DOCK5: variants seen among roughly 807,000 people sequenced by gnomAD.
DOCK5 encodes the protein dedicator of cytokinesis protein 5.
A neutral mutation model predicts 251.8 loss-of-function variants in DOCK5; 142 were observed. The observed-to-expected ratio is 0.56, with a 90% CI of 0.49 to 0.65. The LOEUF is 0.65. DOCK5 is among the 30% of genes least tolerant of loss of function. DOCK5 has a pLI of 0.00. For synonymous variants in DOCK5, 842 were observed against 835.5 expected, an observed-to-expected ratio of 1.01 and a Z score of -0.13; for missense variants, 2,111 against 2,312.3, an observed-to-expected ratio of 0.91 and a Z score of 1.79.
intron 2 of DOCK5, among the ~76,000 whole-genome samples, chr8:25,251,736 C>T (rs1219549966): frequency 6.6e-6 from 1 of 152,126 alleles, no homozygotes; most frequent in Non-Finnish European, 1.5e-5. Flanking sequence ...TGCCTGCAAT[C>T]CCAGTACTTT....
At chr8:25,363,484 C>T (rs6557837) in intron 29 of DOCK5, among the ~76,000 whole-genome samples, 32,596 of 152,124 alleles carry the variant, frequency 0.21, 4,067 homozygotes, top group African/African-American at 0.35. Context: ...GTTCTATGAC[C>T]GGTCCATGAT....
chr8:25,310,357 T>A, intron 12 of DOCK5, 50 bp from the exon 13 acceptor site: 1 of 1,556,678 alleles, frequency 6.4e-7, no homozygotes, highest in Non-Finnish European at 8.7e-7. Flanking sequence ...TACGCATGTG[T>A]TTTATACATC....
chr8:25,211,723 G>T (rs1178136842), intron 1 of DOCK5, among the ~76,000 whole-genome samples: 1 of 64,138 alleles, frequency 1.6e-5, no homozygotes, highest in African/African-American at 3.5e-5. Context: ...CGGGAGGATC[G>T]CTTGAGCCCA....
intron 34 of DOCK5, 118 bp from the exon 35 acceptor site, chr8:25,372,441 A>G (rs1414356386): frequency 1.0e-6 from 1 of 1,003,998 alleles, no homozygotes; most frequent in African/African-American, 1.7e-5. Flanking sequence ...TCTAACATTG[A>G]CGTTCTGTGT....
At chr8:25,194,434 C>T (rs925213461) in intron 1 of DOCK5, among the ~76,000 whole-genome samples, 1 of 152,098 alleles carries the variant, frequency 6.6e-6, no homozygotes, top group African/African-American at 2.4e-5. Flanking sequence ...CACAGTTTTC[C>T]TCCCATATCC....
In DOCK5 at chr8:25,278,603, CT is replaced by C. The variant is rs1804108107; in HGVS notation, c.260del (p.Leu87ArgfsTer21). On this transcript the variant is annotated frameshift_variant, in exon 5 of 52. Coordinates refer to ENST00000276440, the MANE Select transcript of DOCK5 (RefSeq NM_024940.8). LOFTEE classifies it high-confidence loss of function. ...HETVIPGELP[L>X]VQELTSTLRE... ...AACCGTGATTCCTGGCGAGCTCCCC[CT>C]GGTGCAGGAGCTCACGTCCACTCTG... 3 of 1,613,868 alleles carry C rather than the reference CT, an allele frequency of 1.9e-6. No homozygotes were observed. Among genetic ancestry groups the C allele is most frequent in the African/African-American group, 1.3e-5 (1 of 74,914 alleles).
At chr8:25,387,037 A>G (rs910904307) in intron 40 of DOCK5, among the ~76,000 whole-genome samples, 1 of 152,142 alleles carries the variant, frequency 6.6e-6, no homozygotes, top group African/African-American at 2.4e-5. Flanking sequence ...GAGTGATATA[A>G]CCTCACTGCC....
intron 39 of DOCK5, 59 bp downstream of exon 39, chr8:25,380,453 GA>G: frequency 1.4e-6 from 2 of 1,401,316 alleles, no homozygotes; most frequent in Non-Finnish European, 2.0e-6. Flanking sequence ...TAGCACTCAT[GA>G]AAATGTTTCC....
intron 1 of DOCK5, among the ~76,000 whole-genome samples, chr8:25,223,556 C>T (rs1257845287): frequency 6.6e-6 from 1 of 152,202 alleles, no homozygotes; most frequent in African/African-American, 2.4e-5. Context: ...CTCAAGCAAT[C>T]GTCCTGTCTT....
intron 44 of DOCK5, among the ~76,000 whole-genome samples, chr8:25,394,078 G>T (rs1434062888): frequency 6.6e-6 from 1 of 152,158 alleles, no homozygotes; most frequent in Admixed American, 6.5e-5. Context: ...AAGAATAGCA[G>T]TATGTGGTGG....
intron 28 of DOCK5, among the ~76,000 whole-genome samples, chr8:25,362,437 T>TTTTTC (rs140170700): frequency 1.3e-3 from 162 of 125,386 alleles, no homozygotes; most frequent in African/African-American, 3.3e-3. Flanking sequence ...TTTTTTTCCT[T>TTTTTC]TTTTCTTTTC....
intron 1 of DOCK5, among the ~76,000 whole-genome samples, chr8:25,235,150 G>A (rs1802763920): frequency 6.6e-6 from 1 of 152,166 alleles, no homozygotes; most frequent in South Asian, 2.1e-4. Flanking sequence ...ATGTACTGTT[G>A]CCTCCCTTTT....
intron 49 of DOCK5, among the ~76,000 whole-genome samples, chr8:25,408,446 A>G (rs1586403505): frequency 1.3e-5 from 2 of 152,148 alleles, no homozygotes; most frequent in East Asian, 1.9e-4. Context: ...CAATCCAAAC[A>G]TTGTCATTTC....
chr8:25,297,195 A>G (rs931982297), intron 7 of DOCK5, among the ~76,000 whole-genome samples: 1 of 151,948 alleles, frequency 6.6e-6, no homozygotes, highest in African/African-American at 2.4e-5. Flanking sequence ...CCCGGGTTCA[A>G]GCAATTCTCC....
intron 43 of DOCK5, 105 bp downstream of exon 43, chr8:25,392,085 C>A: frequency 9.4e-7 from 1 of 1,064,852 alleles, no homozygotes; most frequent in Non-Finnish European, 1.4e-6. Flanking sequence ...GGGCGGATCA[C>A]GAAGTCAAGA....
intron 1 of DOCK5, among the ~76,000 whole-genome samples, chr8:25,213,271 G>A (rs897750281): frequency 1.3e-5 from 2 of 151,746 alleles, no homozygotes; most frequent in Middle Eastern, 3.4e-3. Context: ...TGACTTCTCC[G>A]GGGTCTCTCT....
intron 9 of DOCK5, 121 bp from the exon 10 acceptor site, chr8:25,302,204 T>A: frequency 8.4e-6 from 11 of 1,303,222 alleles, no homozygotes; most frequent in Admixed American, 3.3e-5. Flanking sequence ...GTCGTTCTAA[T>A]ACTTCAGCAT....
intron 2 of DOCK5, among the ~76,000 whole-genome samples, chr8:25,251,442 C>T (rs1324379774): frequency 6.6e-6 from 1 of 152,154 alleles, no homozygotes; most frequent in African/African-American, 2.4e-5. Context: ...AGGAGTTCCC[C>T]AGAATACCCA....
Position 25,308,768 on chromosome 8 carries a change from T to C in DOCK5, c.1050-15T>C. The C allele has an allele frequency of 6.2e-7, 1 of 1,613,220 alleles. No homozygotes were observed. The highest frequency in any genetic ancestry group is 8.5e-7 in the Non-Finnish European group (1 of 1,179,256). On this transcript the variant is annotated splice_polypyrimidine_tract_variant and intron_variant, in intron 11 of 51. Coordinates refer to ENST00000276440, the MANE Select transcript of DOCK5 (RefSeq NM_024940.8). Reference sequence around the variant, plus strand: ...TCTCCCCCTCCCACCTTACCTCTTATTTCTCTTTCCCAAGAATTGCGATGG... The same window carrying C: ...TCTCCCCCTCCCACCTTACCTCTTACTTCTCTTTCCCAAGAATTGCGATGG...
Sources: allele counts gnomAD v4.1 joint callset (sites outside exome capture counted in the v4.1 genomes callset), GRCh38; gene constraint gnomAD v4.1.1; transcripts MANE v1.5; gene names NCBI Gene and HGNC (gene_info 2026-07-23, HGNC 2026-07-21).